The following C10orf67 variants were observed in gnomAD, a reference collection of about 807,000 sequenced individuals.
C10orf67 encodes uncharacterized protein C10orf67, mitochondrial.
In C10orf67, 60 loss-of-function variants were observed where a neutral mutation model predicts 35.6. That is an observed-to-expected ratio of 1.68 (90% CI 1.37 to 2.09). The LOEUF (loss-of-function observed/expected upper bound fraction) is 2.09, where lower values mean the gene tolerates loss of function less well. Ranked by LOEUF, C10orf67 falls within the 30% of genes most tolerant of loss-of-function variation. The pLI, the probability that C10orf67 is intolerant of heterozygous loss-of-function variation, is 0.00. For missense variants in C10orf67, 474 were observed against 330.2 expected (o/e 1.44, Z -3.38); for synonymous variants, 167 against 115.8 (o/e 1.44, Z -2.84).
chr10:23,221,655 C>T (rs1414706517), intron 15 of C10orf67, among the ~76,000 whole-genome samples: 2 of 152,178 alleles, frequency 1.3e-5, no homozygotes, highest in Non-Finnish European at 2.9e-5. Flanking sequence ...TATTTTGTCC[C>T]TTTAAATGTC....
intron 15 of C10orf67, among the ~76,000 whole-genome samples, chr10:23,214,664 A>G (rs776954331): frequency 6.6e-6 from 1 of 152,238 alleles, no homozygotes. Context: ...ACTTTAGAAA[A>G]GACTAAAAAT....
intron 12 of C10orf67, among the ~76,000 whole-genome samples, chr10:23,248,364 G>C (rs114901577): frequency 2.0e-5 from 3 of 152,184 alleles, no homozygotes; most frequent in Non-Finnish European, 4.4e-5. Flanking sequence ...GTCGCATCAG[G>C]CTTGGCACAC....
chr10:23,291,330 T>C, intron 5 of C10orf67, 51 bp from the exon 6 acceptor site: 1 of 685,618 alleles, frequency 1.5e-6, no homozygotes, highest in Non-Finnish European at 2.7e-6. Context: ...AGGATTTAAA[T>C]ATGCAAGACA....
intron 12 of C10orf67, among the ~76,000 whole-genome samples, chr10:23,243,032 T>C (rs1023330573): frequency 3.9e-5 from 6 of 151,980 alleles, no homozygotes; most frequent in Non-Finnish European, 8.8e-5. Flanking sequence ...AGAAAAAAGT[T>C]AGAAAAAAAT....
At chr10:23,286,534 A>G (rs574034318) in intron 7 of C10orf67, among the ~76,000 whole-genome samples, 4 of 68,542 alleles carry the variant, frequency 5.8e-5, no homozygotes, top group South Asian at 8.4e-4. Context: ...GAAGGGTGGG[A>G]AGGGAAGGAA....
At chr10:23,316,323 G>C (rs1588686593) in intron 4 of C10orf67, among the ~76,000 whole-genome samples, 1 of 152,208 alleles carries the variant, frequency 6.6e-6, no homozygotes, top group South Asian at 2.1e-4. Flanking sequence ...TGGCATAGGG[G>C]AACACAGTGG....
intron 4 of C10orf67, chr10:23,317,426 G>C (rs932713274): frequency 6.6e-6 from 1 of 152,228 alleles, no homozygotes; most frequent in African/African-American, 2.4e-5. Flanking sequence ...CTAGGAGCGT[G>C]GAGCTCCCCC....
At chr10:23,260,002 A>G (rs948536583) in intron 10 of C10orf67, among the ~76,000 whole-genome samples, 2 of 152,194 alleles carry the variant, frequency 1.3e-5, no homozygotes, top group Admixed American at 6.5e-5. Context: ...GGAGTTAATA[A>G]AAGATATCAA....
At chr10:23,275,712 CCT>C (rs1843168461) in intron 8 of C10orf67, among the ~76,000 whole-genome samples, 1 of 152,096 alleles carries the variant, frequency 6.6e-6, no homozygotes, top group Non-Finnish European at 1.5e-5. Flanking sequence ...TCAACTGACC[CCT>C]CTGTGTTTCC....
At chr10:23,255,244 A>C (rs1481604021) in intron 10 of C10orf67, among the ~76,000 whole-genome samples, 1 of 152,196 alleles carries the variant, frequency 6.6e-6, no homozygotes, top group African/African-American at 2.4e-5. Flanking sequence ...GGGGGCCAAA[A>C]ATCAAAACAA....
At chr10:23,323,418 G>C (rs1049708534) in intron 2 of C10orf67, among the ~76,000 whole-genome samples, 1 of 152,024 alleles carries the variant, frequency 6.6e-6, no homozygotes, top group Non-Finnish European at 1.5e-5. Flanking sequence ...CCAGGAGTTT[G>C]AAACCAGCCT....
intron 8 of C10orf67, among the ~76,000 whole-genome samples, chr10:23,280,383 G>A (rs573112690): frequency 8.5e-5 from 13 of 152,264 alleles, no homozygotes; most frequent in Admixed American, 5.9e-4. Flanking sequence ...CTGGAAAAAC[G>A]CAGGATAGCG....
chr10:23,279,270 C>T (rs1211563002), intron 8 of C10orf67, among the ~76,000 whole-genome samples: 2 of 152,234 alleles, frequency 1.3e-5, no homozygotes, highest in Admixed American at 1.3e-4. Context: ...GACACAGTCA[C>T]ATTAGGCCAC....
rs1299055355 is a variant in C10orf67, at chr10:23,316,434, A to C, written c.546+4307T>G. 2.0e-5 allele frequency among the ~76,000 whole-genome samples: 3 copies of C among 152,226 alleles called. No homozygotes were observed. In the East Asian group the frequency reaches 5.8e-4, roughly 29 times the overall value. On this transcript the variant is annotated intron_variant, in intron 4 of 15. Transcript: ENST00000636213. ...AGGTCTGGGCGCCCCCAAGGGCTGC[A>C]GCTCTTCTCTCCGTCTTGTTGCCTG...
intron 15 of C10orf67, among the ~76,000 whole-genome samples, chr10:23,215,437 G>A (rs1171533506): frequency 6.6e-6 from 1 of 151,926 alleles, no homozygotes; most frequent in Non-Finnish European, 1.5e-5. Context: ...GGGATTACAG[G>A]CGTGCACCAC....
intron 2 of C10orf67, among the ~76,000 whole-genome samples, chr10:23,323,411 G>C (rs576892289): frequency 6.6e-6 from 1 of 152,160 alleles, no homozygotes; most frequent in African/African-American, 2.4e-5. Context: ...GGTGAGCCCA[G>C]GAGTTTGAAA....
chr10:23,309,320 T>C (rs1249989146), intron 4 of C10orf67, among the ~76,000 whole-genome samples: 1 of 152,178 alleles, frequency 6.6e-6, no homozygotes, highest in Non-Finnish European at 1.5e-5. Context: ...TTCTCACTTC[T>C]AAGTGGGAGC....
intron 13 of C10orf67, among the ~76,000 whole-genome samples, chr10:23,235,012 C>CAAAAAAAAAAAAAAAAAAAAAGCAAAA (rs57049730): frequency 1.3e-5 from 1 of 76,050 alleles, no homozygotes. Flanking sequence ...AATTCCATCT[C>CAAAAAAAAAAAAAAAAAAAAAGCAAAA]AAAAAAAAAA....
chr10:23,275,194 C>A (rs1200241336), intron 8 of C10orf67, among the ~76,000 whole-genome samples: 1 of 152,076 alleles, frequency 6.6e-6, no homozygotes, highest in African/African-American at 2.4e-5. Flanking sequence ...CACTTAAAAC[C>A]AAACTGATGC....
Sources: allele counts gnomAD v4.1 joint callset (sites outside exome capture counted in the v4.1 genomes callset), GRCh38; gene constraint gnomAD v4.1.1; transcripts MANE v1.5; gene names NCBI Gene and HGNC (gene_info 2026-07-23, HGNC 2026-07-21).